The following TACC2 variants were observed in gnomAD, a reference collection of about 807,000 sequenced individuals.
TACC2 encodes the protein transforming acidic coiled-coil-containing protein 2.
A neutral mutation model predicts 227.3 loss-of-function variants in TACC2; 137 were observed. That is an observed-to-expected ratio of 0.60 (90% CI 0.52 to 0.69). TACC2 has a LOEUF of 0.69. Ranked by LOEUF, TACC2 falls within the 30% of genes least tolerant of loss-of-function variation. The probability of loss-of-function intolerance (pLI) is 0.00; values close to 1 mark genes in which losing one functional copy is unlikely to be tolerated. For synonymous variants in TACC2, 1,523 were observed against 1,487.5 expected, an observed-to-expected ratio of 1.02 and a Z score of -0.55; for missense variants, 3,470 against 3,694.4, an observed-to-expected ratio of 0.94 and a Z score of 1.57.
Position 122,087,338 on chromosome 10 carries a change from A to G in TACC2, c.4838A>G (p.Asp1613Gly). The change falls in exon 4 of 23, where the codon GAT becomes GGT. Residue 1613 changes from aspartate (D) to glycine (G), a missense_variant. By Grantham distance (94) the Asp-to-Gly change is moderately conservative. Coordinates refer to ENST00000369005, the MANE Select transcript of TACC2 (RefSeq NM_206862.4). ...GCCTGCGACAGTCCACATGGAGAAG[A>G]TGGTCCCGGGGACTTTGCTCACACA... is the stretch of plus-strand genomic sequence containing the variant. ...TSACDSPHGE[D>G]GPGDFAHTGV... 1 of 1,614,070 alleles carries G rather than the reference A, an allele frequency of 6.2e-7. No individual in the cohort carries two copies. Among genetic ancestry groups the G allele is most frequent in the South Asian group, 1.1e-5 (1 of 91,092 alleles).
At chr10:122,124,722 A>G (rs1212184513) in intron 5 of TACC2, among the ~76,000 whole-genome samples, 1 of 152,220 alleles carries the variant, frequency 6.6e-6, no homozygotes, top group African/African-American at 2.4e-5. Flanking sequence ...CCTGAGTACA[A>G]TTCCTGATTT....
At chr10:122,075,188 C>CAA (rs74264562) in intron 3 of TACC2, among the ~76,000 whole-genome samples, 2 of 142,580 alleles carry the variant, frequency 1.4e-5, no homozygotes, top group African/African-American at 5.3e-5. Context: ...ATCTTGCTGC[C>CAA]AAAAAAAAAA....
At chr10:122,033,240 G>A in intron 2 of TACC2, 3 of 902,662 alleles carry the variant, frequency 3.3e-6, no homozygotes, top group East Asian at 6.3e-5. Flanking sequence ...TGTGTCATGT[G>A]CATTTATATA....
At chr10:122,123,976 G>C (rs1230259482) in intron 5 of TACC2, among the ~76,000 whole-genome samples, 2 of 151,916 alleles carry the variant, frequency 1.3e-5, no homozygotes, top group African/African-American at 4.8e-5. Context: ...ACCATGCCTG[G>C]CTAATTTTTG....
chr10:122,078,063 T>C (rs1170734684), intron 3 of TACC2, among the ~76,000 whole-genome samples: 2 of 151,692 alleles, frequency 1.3e-5, no homozygotes, highest in East Asian at 3.9e-4. Flanking sequence ...GGCATGGTGG[T>C]GCACGCCTGT....
chr10:122,074,893 G>A (rs1422530196), intron 3 of TACC2, among the ~76,000 whole-genome samples: 5 of 151,978 alleles, frequency 3.3e-5, no homozygotes, highest in Non-Finnish European at 7.4e-5. Flanking sequence ...CTTTGGGCAC[G>A]GTCTCAGCCT....
chr10:122,176,776 T>TA (rs2093740507), intron 7 of TACC2, among the ~76,000 whole-genome samples: 1 of 152,106 alleles, frequency 6.6e-6, no homozygotes, highest in Non-Finnish European at 1.5e-5. Context: ...TAAATGGACA[T>TA]AAAATAGATT....
chr10:122,119,281 A>G (rs1465424777), intron 5 of TACC2, among the ~76,000 whole-genome samples: 1 of 152,192 alleles, frequency 6.6e-6, no homozygotes, highest in Non-Finnish European at 1.5e-5. Flanking sequence ...GAGGTTAATG[A>G]ACTTGCCTAG....
chr10:122,046,714 T>A lies in TACC2; in HGVS notation c.34-3724T>A, dbSNP rs185973553. 5.5e-4 allele frequency among the ~76,000 whole-genome samples: 84 copies of A among 152,264 alleles called. 1 individual carries two copies. In the East Asian group the frequency reaches 0.016, roughly 28 times the overall value. On this transcript the variant is annotated intron_variant, in intron 2 of 22. Coordinates refer to ENST00000369005, the MANE Select transcript of TACC2 (RefSeq NM_206862.4). ...CATCTGTCTGGGCTATTATTTGTCT[T>A]CTTTCCAGAATTAAAAGAAATCTTG...
intron 8 of TACC2, among the ~76,000 whole-genome samples, chr10:122,203,705 C>T (rs2094978008): frequency 6.6e-6 from 1 of 151,732 alleles, no homozygotes; most frequent in Non-Finnish European, 1.5e-5. Context: ...CTCCTCACAT[C>T]CCAGTCGATG....
At chr10:122,036,131 T>A (rs1308846489) in intron 2 of TACC2, among the ~76,000 whole-genome samples, 1 of 152,182 alleles carries the variant, frequency 6.6e-6, no homozygotes, top group Non-Finnish European at 1.5e-5. Flanking sequence ...TGTCAGAATT[T>A]CCTTTCTCTA....
chr10:122,101,322 T>C (rs1205763488), intron 5 of TACC2, among the ~76,000 whole-genome samples: 1 of 152,152 alleles, frequency 6.6e-6, no homozygotes, highest in Non-Finnish European at 1.5e-5. Flanking sequence ...AAGGAACATC[T>C]ATCACTATTG....
chr10:122,133,790 T>C (rs2088904714), intron 6 of TACC2, among the ~76,000 whole-genome samples: 1 of 152,194 alleles, frequency 6.6e-6, no homozygotes, highest in Non-Finnish European at 1.5e-5. Context: ...TCCTTGTAAA[T>C]GACCCGTATC....
intron 5 of TACC2, among the ~76,000 whole-genome samples, chr10:122,128,106 G>A (rs2087236410): frequency 6.6e-6 from 1 of 152,040 alleles, no homozygotes; most frequent in South Asian, 2.1e-4. Flanking sequence ...CGGCCTGAGA[G>A]CGAGGGACAA....
chr10:122,206,661 C>T (rs746296571), intron 8 of TACC2, among the ~76,000 whole-genome samples: 14 of 152,202 alleles, frequency 9.2e-5, no homozygotes, highest in African/African-American at 2.7e-4. Flanking sequence ...CCAGCAAGCT[C>T]ATGTAACTGG....
At chr10:122,215,744 A>G (rs941090681) in intron 10 of TACC2, among the ~76,000 whole-genome samples, 2 of 152,246 alleles carry the variant, frequency 1.3e-5, no homozygotes, top group African/African-American at 4.8e-5. Flanking sequence ...AACTTCTAGG[A>G]CTGTCGAGAT....
intron 7 of TACC2, among the ~76,000 whole-genome samples, chr10:122,193,261 G>T (rs2094468524): frequency 6.6e-6 from 1 of 152,218 alleles, no homozygotes; most frequent in Admixed American, 6.5e-5. Context: ...GGGTGGAGGG[G>T]CAAGGGTGCT....
At chr10:122,161,092 C>T (rs2092791044) in intron 7 of TACC2, among the ~76,000 whole-genome samples, 1 of 152,066 alleles carries the variant, frequency 6.6e-6, no homozygotes, top group African/African-American at 2.4e-5. Context: ...CACCACCACA[C>T]CCACCTAATT....
intron 2 of TACC2, among the ~76,000 whole-genome samples, chr10:122,047,352 AC>A (rs1402423401): frequency 6.7e-6 from 1 of 150,096 alleles, no homozygotes; most frequent in African/African-American, 2.4e-5. Context: ...TAGAGTGTGA[AC>A]TTAAGGTGAT....
Sources: gnomAD v4.1 joint callset for allele counts (sites outside exome capture counted in the v4.1 genomes callset) on GRCh38, gnomAD v4.1.1 for gene constraint, MANE v1.5 for transcripts, NCBI Gene and HGNC (gene_info 2026-07-23, HGNC 2026-07-21) for gene names.